The following GABRG1 variants were observed in gnomAD, a reference collection of about 807,000 sequenced individuals.
GABRG1 encodes the protein gamma-aminobutyric acid receptor subunit gamma-1.
GABRG1 carries 49 observed loss-of-function variants against 49.8 expected under a neutral mutation model. That is an observed-to-expected ratio of 0.98 (90% CI 0.78 to 1.25). The LOEUF is 1.25. Among genes scored for constraint, GABRG1 ranks in the 50% most tolerant of loss-of-function variants. The pLI is 0.00. For synonymous variants in GABRG1, 232 were observed against 185.1 expected (o/e 1.25, Z -2.06); for missense variants, 552 against 552.3 (o/e 1.00, Z 0.01).
chr4:46,061,228 C>T (rs1057169837), intron 5 of GABRG1, among the ~76,000 whole-genome samples: 3 of 152,034 alleles, frequency 2.0e-5, no homozygotes, highest in Non-Finnish European at 2.9e-5. Flanking sequence ...TGCTATTTGG[C>T]TGTCTTATCC....
intron 3 of GABRG1, among the ~76,000 whole-genome samples, chr4:46,072,786 C>G (rs1719179591): frequency 6.6e-6 from 1 of 152,080 alleles, no homozygotes; most frequent in Non-Finnish European, 1.5e-5. Context: ...GTGATGCTAG[C>G]TTCGCATGTG....
intron 8 of GABRG1, among the ~76,000 whole-genome samples, 182 bp downstream of exon 8, chr4:46,051,242 T>A (rs547517855): frequency 1.3e-5 from 2 of 151,858 alleles, no homozygotes; most frequent in East Asian, 3.9e-4. Flanking sequence ...TGGGAGACAT[T>A]TGAAAAACAG....
chr4:46,063,885 G>T (rs531423912), intron 5 of GABRG1, among the ~76,000 whole-genome samples: 1 of 151,774 alleles, frequency 6.6e-6, no homozygotes, highest in Non-Finnish European at 1.5e-5. Context: ...GAATATACCC[G>T]GTTTTTATAC....
intron 1 of GABRG1, among the ~76,000 whole-genome samples, chr4:46,103,449 G>A (rs2109435286): frequency 6.6e-6 from 1 of 151,492 alleles, no homozygotes; most frequent in South Asian, 2.1e-4. Flanking sequence ...TCCACACAGG[G>A]AAAAGTTCCA....
intron 3 of GABRG1, among the ~76,000 whole-genome samples, chr4:46,075,321 T>C (rs1304988925): frequency 6.6e-6 from 1 of 152,078 alleles, no homozygotes; most frequent in Middle Eastern, 3.2e-3. Flanking sequence ...AATTTTTAAC[T>C]TTTTTACTTT....
chr4:46,082,640 T>C (rs1176273589), intron 3 of GABRG1, among the ~76,000 whole-genome samples: 1 of 151,878 alleles, frequency 6.6e-6, no homozygotes, highest in Non-Finnish European at 1.5e-5. Flanking sequence ...ACCACCTACT[T>C]GTGAATGCCA....
chr4:46,115,797 C>G (rs541874147), intron 1 of GABRG1, among the ~76,000 whole-genome samples: 2 of 150,436 alleles, frequency 1.3e-5, no homozygotes, highest in Admixed American at 6.7e-5. Context: ...AAAAATGAGT[C>G]GGACAATTGC....
intron 3 of GABRG1, among the ~76,000 whole-genome samples, chr4:46,072,876 T>G (rs1185530413): frequency 6.6e-6 from 1 of 152,066 alleles, no homozygotes; most frequent in Non-Finnish European, 1.5e-5. Context: ...TTACTTTGCC[T>G]CTGCTGAGAT....
chr4:46,080,899 A>C (rs1719541657), intron 3 of GABRG1, among the ~76,000 whole-genome samples: 1 of 151,880 alleles, frequency 6.6e-6, no homozygotes, highest in Non-Finnish European at 1.5e-5. Context: ...ACATTTTAGC[A>C]ATGTACTACT....
intron 3 of GABRG1, among the ~76,000 whole-genome samples, chr4:46,081,728 G>A (rs956350615): frequency 6.6e-6 from 1 of 151,858 alleles, no homozygotes; most frequent in South Asian, 2.1e-4. Flanking sequence ...ACTTAATCCC[G>A]AGAACTTCAG....
At chr4:46,042,585 A>G (rs1243727529) in intron 8 of GABRG1, among the ~76,000 whole-genome samples, 1 of 152,006 alleles carries the variant, frequency 6.6e-6, no homozygotes, top group African/African-American at 2.4e-5. Context: ...AAATTTTGAA[A>G]TAGGTCAACA....
At chr4:46,108,333 T>C (rs1214414571) in intron 1 of GABRG1, among the ~76,000 whole-genome samples, 1 of 151,120 alleles carries the variant, frequency 6.6e-6, no homozygotes, top group Admixed American at 6.6e-5. Context: ...TCACTAAATC[T>C]CCGTGTGAGA....
At chr4:46,050,636 C>T (rs1487259246) in intron 8 of GABRG1, among the ~76,000 whole-genome samples, 2 of 151,626 alleles carry the variant, frequency 1.3e-5, no homozygotes, top group African/African-American at 4.8e-5. Context: ...CCTGTGAGAA[C>T]AGGATATATA....
At chr4:46,079,078 T>C (rs956160645) in intron 3 of GABRG1, among the ~76,000 whole-genome samples, 1 of 151,846 alleles carries the variant, frequency 6.6e-6, no homozygotes, top group Non-Finnish European at 1.5e-5. Context: ...TTTTGTTTTT[T>C]TTTTTTCCTT....
At chr4:46,056,563 T>A (rs1718458316) in intron 7 of GABRG1, among the ~76,000 whole-genome samples, 1 of 152,162 alleles carries the variant, frequency 6.6e-6, no homozygotes, top group Admixed American at 6.6e-5. Context: ...ACAGCCTTCA[T>A]GACTCACTAA....
At chr4:46,094,379 A>C (rs1190837439) in intron 2 of GABRG1, among the ~76,000 whole-genome samples, 2 of 152,008 alleles carry the variant, frequency 1.3e-5, no homozygotes, top group African/African-American at 4.8e-5. Flanking sequence ...TGGTGGGCAC[A>C]GCAGCCTGAA....
At chr4:46,079,834 G>C (rs1719500545) in intron 3 of GABRG1, among the ~76,000 whole-genome samples, 1 of 151,816 alleles carries the variant, frequency 6.6e-6, no homozygotes, top group Non-Finnish European at 1.5e-5. Flanking sequence ...ACTCAGAAGA[G>C]TAAAGATACA....
At chr4:46,082,487 C>A (rs552474858) in intron 3 of GABRG1, among the ~76,000 whole-genome samples, 2 of 151,838 alleles carry the variant, frequency 1.3e-5, no homozygotes, top group South Asian at 2.1e-4. Context: ...CCTGCAGGAA[C>A]CATATTTATT....
chr4:46,117,142 G>C (rs1720921357), intron 1 of GABRG1, among the ~76,000 whole-genome samples: 1 of 150,414 alleles, frequency 6.6e-6, no homozygotes, highest in East Asian at 2.0e-4. Flanking sequence ...ATCACATCTT[G>C]ACATGACTAT....
Sources: gnomAD v4.1 joint callset for allele counts (sites outside exome capture counted in the v4.1 genomes callset) on GRCh38, gnomAD v4.1.1 for gene constraint, MANE v1.5 for transcripts, NCBI Gene and HGNC (gene_info 2026-07-23, HGNC 2026-07-21) for gene names.